Variants in SH3PXD2B observed in about 807,000 individuals in gnomAD.
The protein encoded by SH3PXD2B is SH3 and PX domains 2B, also known as SH3 and PX domain-containing protein 2B.
SH3PXD2B carries 37 observed loss-of-function variants against 73.1 expected under a neutral mutation model. The observed-to-expected ratio is 0.51, with a 90% CI of 0.39 to 0.67. SH3PXD2B has a LOEUF of 0.67. Among genes scored for constraint, SH3PXD2B ranks in the 30% least tolerant of loss-of-function variants. The pLI, the probability that SH3PXD2B is intolerant of heterozygous loss-of-function variation, is 0.00. For synonymous variants in SH3PXD2B, 457 were observed against 480.5 expected, an observed-to-expected ratio of 0.95 and a Z score of 0.64; for missense variants, 1,053 against 1,197.8, an observed-to-expected ratio of 0.88 and a Z score of 1.78.
At chr5:172,354,257 C>A (rs988111355) in intron 8 of SH3PXD2B, among the ~76,000 whole-genome samples, 2 of 152,174 alleles carry the variant, frequency 1.3e-5, no homozygotes. Flanking sequence ...ATCTGTGCTT[C>A]GAGTTCACCT....
intron 1 of SH3PXD2B, among the ~76,000 whole-genome samples, chr5:172,431,779 G>A (rs961627231): frequency 1.3e-5 from 2 of 152,168 alleles, no homozygotes; most frequent in African/African-American, 2.4e-5. Flanking sequence ...TACTCTAGGA[G>A]AAATACAGGG....
In SH3PXD2B at chr5:172,339,168, G is replaced by A; in HGVS notation, c.1937C>T (p.Pro646Leu). 6.2e-7 allele frequency: 1 copy of A among 1,614,212 alleles called. No individual in the cohort carries two copies. The highest frequency in any genetic ancestry group is 8.5e-7 in the Non-Finnish European group (1 of 1,180,042). The change falls in exon 13 of 13, where the codon CCA (proline) becomes CTA (leucine). Residue 646 changes from proline to leucine, a missense_variant. Coordinates refer to ENST00000311601, the MANE Select transcript of SH3PXD2B (RefSeq NM_001017995.3). The surrounding 1 kb of genome is among the most constrained non-coding windows in gnomAD (Gnocchi z 6.1). ...LKSRPQVRPKPAPSPKTEPPQ... is the reference protein window; with the variant it reads ...LKSRPQVRPKLAPSPKTEPPQ... Reference sequence around the variant, plus strand: ...TGGCTCCGTTTTGGGGGAAGGAGCTGGTTTTGGCCTAACCTGAGGTCTGGA... The same window carrying A: ...TGGCTCCGTTTTGGGGGAAGGAGCTAGTTTTGGCCTAACCTGAGGTCTGGA...
intron 6 of SH3PXD2B, among the ~76,000 whole-genome samples, chr5:172,370,087 C>T (rs903655619): frequency 5.3e-5 from 8 of 152,152 alleles, no homozygotes; most frequent in Non-Finnish European, 1.2e-4. Context: ...AGGTGTACAA[C>T]AGACATTTGT....
chr5:172,340,249 G>T (rs112363734), intron 12 of SH3PXD2B, among the ~76,000 whole-genome samples: 1,620 of 152,324 alleles, frequency 0.011, 35 homozygotes, highest in African/African-American at 0.037. Context: ...CCAATTATGA[G>T]CAAGTTATTG....
At chr5:172,389,391 T>G (rs909231077) in intron 4 of SH3PXD2B, among the ~76,000 whole-genome samples, 1 of 151,974 alleles carries the variant, frequency 6.6e-6, no homozygotes, top group African/African-American at 2.4e-5. Context: ...AAGTGGTATG[T>G]GAGTGTGGAG....
At chr5:172,439,528 A>G (rs1759494137) in intron 1 of SH3PXD2B, among the ~76,000 whole-genome samples, 1 of 152,084 alleles carries the variant, frequency 6.6e-6, no homozygotes, top group South Asian at 2.1e-4. Flanking sequence ...CAGGGCCATC[A>G]CTAATAACCC....
chr5:172,326,876 C>G (rs1217165798), intron 12 of SH3PXD2B, among the ~76,000 whole-genome samples: 7 of 108,530 alleles, frequency 6.4e-5, no homozygotes, highest in African/African-American at 2.2e-4. Flanking sequence ...TTTTTTTTTG[C>G]GACAGAGTCT....
intron 1 of SH3PXD2B, among the ~76,000 whole-genome samples, chr5:172,453,083 C>T (rs1270880979): frequency 2.0e-5 from 3 of 151,854 alleles, no homozygotes; most frequent in African/African-American, 7.3e-5. Context: ...AGGCTATTCA[C>T]GGAAGGCATG....
At chr5:172,416,872 C>A (rs1758839561) in intron 2 of SH3PXD2B, among the ~76,000 whole-genome samples, 1 of 151,944 alleles carries the variant, frequency 6.6e-6, no homozygotes, top group Non-Finnish European at 1.5e-5. Context: ...TCACACCTGG[C>A]TAATTTCTAA....
chr5:172,353,841 C>G lies in SH3PXD2B; in HGVS notation c.785+47G>C. 6.6e-7 allele frequency: 1 copy of G among 1,512,814 alleles called. No homozygotes were observed. Among genetic ancestry groups the G allele is most frequent in the Non-Finnish European group, 9.2e-7 (1 of 1,089,190 alleles). 93.7% of individuals were successfully genotyped at this position (1,512,814 alleles called of 1,614,324 possible). ...TCCCTGTGACCCCAAACCCACCCAG[C>G]GTGACCCCAAACCCACCCAGCAACC... On this transcript the variant is annotated intron_variant, in intron 9 of 12. Transcript: ENST00000311601. This position sits in a 1 kb window ranked among gnomAD's most constrained non-coding sequence, Gnocchi z 4.3.
chr5:172,369,779 AAACT>A (rs1339361601), intron 6 of SH3PXD2B, among the ~76,000 whole-genome samples: 27 of 152,120 alleles, frequency 1.8e-4, no homozygotes, highest in African/African-American at 5.3e-4. Flanking sequence ...AAAAACAAAC[AAACT>A]AACAAAAAAA....
At chr5:172,386,013 C>T (rs147130050) in intron 4 of SH3PXD2B, among the ~76,000 whole-genome samples, 13 of 152,300 alleles carry the variant, frequency 8.5e-5, no homozygotes, top group African/African-American at 2.4e-4. Context: ...CGGATCCTGG[C>T]GCTTTGGACA....
At chr5:172,454,171 G>A in intron 1 of SH3PXD2B, 107 bp downstream of exon 1, 2 of 846,534 alleles carry the variant, frequency 2.4e-6, no homozygotes, top group East Asian at 3.3e-5. Context: ...GAGCAGGGGA[G>A]GAGGGGACGG....
intron 2 of SH3PXD2B, among the ~76,000 whole-genome samples, chr5:172,412,444 C>G (rs1296527478): frequency 6.6e-6 from 1 of 152,222 alleles, no homozygotes; most frequent in East Asian, 1.9e-4. Context: ...CCATCCCGGA[C>G]AGTGCAGGGC....
chr5:172,338,978 G>A lies in SH3PXD2B; in HGVS notation c.2127C>T (p.Ala709=). Reference sequence around the variant, plus strand: ...CATCCTGTTTGCCCGTCCTGTCCTGGGCGCGGCCAGGCCCCTCTCCTGGGA... The same window carrying A: ...CATCCTGTTTGCCCGTCCTGTCCTGAGCGCGGCCAGGCCCCTCTCCTGGGA... The part of the protein sequence containing the change: ...SFLPGEGPGR[A]QDRTGKQDGL... Residue 709 remains alanine, a synonymous_variant, in exon 13 of 13, where the codon GCC becomes GCT. Transcript: ENST00000311601. This position sits in a 1 kb window ranked among gnomAD's most constrained non-coding sequence, Gnocchi z 5.1. 1 of 1,614,128 alleles carries A rather than the reference G, an allele frequency of 6.2e-7. No homozygotes were observed. Among genetic ancestry groups the A allele is most frequent in the South Asian group, 1.1e-5 (1 of 91,084 alleles).
chr5:172,357,706 C>T (rs1367827366), intron 8 of SH3PXD2B, among the ~76,000 whole-genome samples: 6 of 152,162 alleles, frequency 3.9e-5, no homozygotes, highest in Non-Finnish European at 8.8e-5. Context: ...TGTGTTACCC[C>T]CCACAGTGCC....
chr5:172,333,406 TG>T, downstream of SH3PXD2B: 1 of 737,080 alleles, frequency 1.4e-6, no homozygotes, highest in Non-Finnish European at 1.7e-6. Context: ...CAAACATAGC[TG>T]GCATAGGTTT....
chr5:172,333,844 C>T lies in SH3PXD2B; in HGVS notation c.*4525G>A, dbSNP rs1263820335. The stretch of plus-strand genomic sequence containing the variant: ...GAAATGTGGGTTGTAATCAAGGTGG[C>T]CACAGTTTATCATCACCCCTCTAAG... On this transcript the variant is annotated 3_prime_UTR_variant, in exon 13 of 13. Transcript: ENST00000311601. 2 of 1,286,742 alleles carry T rather than the reference C, an allele frequency of 1.6e-6. No individual in the cohort carries two copies. Among genetic ancestry groups the T allele is most frequent in the Non-Finnish European group, 2.0e-6 (2 of 988,218 alleles). 79.7% of individuals were successfully genotyped at this position (1,286,742 alleles called of 1,614,324 possible).
chr5:172,404,640 A>G (rs1758511307), intron 3 of SH3PXD2B, among the ~76,000 whole-genome samples: 1 of 152,218 alleles, frequency 6.6e-6, no homozygotes, highest in African/African-American at 2.4e-5. Flanking sequence ...TCTGTGACTT[A>G]GGGTGATTGT....
Sources: allele counts gnomAD v4.1 joint callset (sites outside exome capture counted in the v4.1 genomes callset), GRCh38; gene constraint gnomAD v4.1.1; non-coding constraint Gnocchi (gnomAD v3.1); transcripts MANE v1.5; gene names NCBI Gene and HGNC (gene_info 2026-07-23, HGNC 2026-07-21).